The following TAP2 variants were observed in gnomAD, a reference collection of about 807,000 sequenced individuals.
TAP2 encodes transporter 2, ATP binding cassette subfamily B member, also known as antigen peptide transporter 2.
Under a neutral mutation model 74.7 loss-of-function variants are expected in TAP2, and 49 were observed. That is an observed-to-expected ratio of 0.66 (90% CI 0.52 to 0.83). The LOEUF is 0.83. Among genes scored for constraint, TAP2 ranks in the 40% least tolerant of loss-of-function variants. The probability of loss-of-function intolerance (pLI) is 0.00; values close to 1 mark genes in which losing one functional copy is unlikely to be tolerated. For synonymous variants in TAP2, 306 were observed against 368.4 expected (o/e 0.83, Z 1.94); for missense variants, 739 against 859.0 (o/e 0.86, Z 1.75).
In TAP2 at chr6:32,826,051, C is replaced by T. The variant is rs762608086; in HGVS notation, c.*2855G>A. ...GTTCAAAACCCAGTTTCTTCTGGGA[C>T]CATTAGATGGCATCAGACTCAAGCA... On this transcript the variant is annotated 3_prime_UTR_variant, in exon 12 of 12. Coordinates refer to ENST00000374897, the MANE Select transcript of TAP2 (RefSeq NM_001290043.2). The T allele has an allele frequency of 7.4e-5, 73 of 985,266 alleles. No individual in the cohort carries two copies. Among genetic ancestry groups the T allele is most frequent in the Non-Finnish European group, 7.6e-5 (63 of 829,946 alleles). The allele number at this position is 985,266 out of a possible 1,614,324, so 61.0% of individuals were successfully genotyped here.
intron 3 of TAP2, among the ~76,000 whole-genome samples, chr6:32,836,131 C>G (rs1391583215): frequency 6.6e-6 from 1 of 152,186 alleles, no homozygotes; most frequent in Non-Finnish European, 1.5e-5. Flanking sequence ...CCCAGCGTCC[C>G]TCAGGCTTGT....
At position 32,835,044 on chromosome 6, in the gene TAP2, G is replaced by T; in HGVS notation, c.945+110C>A. On this transcript the variant is annotated intron_variant, in intron 5 of 11. Transcript: ENST00000374897. The surrounding 1 kb of genome is among the most constrained non-coding windows in gnomAD (Gnocchi z 4.0). The stretch of plus-strand genomic sequence containing the variant: ...ACTACAATATACCTTCTCCCCTAAT[G>T]GCTGAGAAGAGAACATCTCTCTCTA... 8.6e-7 allele frequency: 1 copy of T among 1,158,752 alleles called. No individual in the cohort carries two copies. 71.8% of individuals were successfully genotyped at this position (1,158,752 alleles called of 1,614,324 possible).
chr6:32,828,686 A>ACCACACC lies in TAP2; in HGVS notation c.*219_*220insGGTGTGG. The ACCACACC allele has an allele frequency of 1.7e-6, 1 of 579,354 alleles. No homozygotes were observed. Among genetic ancestry groups the ACCACACC allele is most frequent in the Non-Finnish European group, 2.0e-6 (1 of 493,744 alleles). The allele number at this position is 579,354 out of a possible 1,614,324, so 35.9% of individuals were successfully genotyped here. ...CCTGGACACAGACAGCCCCCACCCC[A>ACCACACC]CCCCACCCCACCTCTCTACCCCACC... On this transcript the variant is annotated 3_prime_UTR_variant, in exon 12 of 12. Transcript: ENST00000374897.
At chr6:32,829,080 ACAC>A (rs4148875) in intron 11 of TAP2, 46 bp from the exon 12 acceptor site, 105,196 of 1,526,452 alleles carry the variant, frequency 0.069, 3,979 homozygotes, top group East Asian at 0.11. Context: ...AATGAGATGG[ACAC>A]CACATCCACC....
Position 32,827,945 on chromosome 6 carries a change from G to C in TAP2, c.*961C>G. The stretch of plus-strand genomic sequence containing the variant: ...TATAACAACGGGACTGGAGAGAAGA[G>C]AATAGATTCTGAATTATTTAGAGCT... On this transcript the variant is annotated 3_prime_UTR_variant, in exon 12 of 12. Coordinates refer to ENST00000374897, the MANE Select transcript of TAP2 (RefSeq NM_001290043.2). The C allele has an allele frequency of 1.0e-6, 1 of 984,664 alleles. No individual in the cohort carries two copies. Among genetic ancestry groups the C allele is most frequent in the Non-Finnish European group, 1.2e-6 (1 of 829,208 alleles). 61.0% of individuals were successfully genotyped at this position (984,664 alleles called of 1,614,324 possible).
rs2071546 is a variant in TAP2 at position 32,828,280 on chromosome 6, G to C, written c.*626C>G. 425 of 984,014 alleles carry C rather than the reference G, an allele frequency of 4.3e-4. 10 individuals carry two copies. In the South Asian group the frequency reaches 8.5e-3, roughly 20 times the overall value. The allele number at this position is 984,014 out of a possible 1,614,324, so 61.0% of individuals were successfully genotyped here. A position where few individuals can be genotyped will look rare whatever the true frequency, so the allele number is the denominator to read the frequency against. Reference sequence around the variant, plus strand: ...ATAAATGGTAGCTGTTACCAATGTCGCTATTAATACTGTTAATCAGGGAAC... The same window carrying C: ...ATAAATGGTAGCTGTTACCAATGTCCCTATTAATACTGTTAATCAGGGAAC... On this transcript the variant is annotated 3_prime_UTR_variant, in exon 12 of 12. Transcript: ENST00000374897.
At position 32,828,775 on chromosome 6, in the gene TAP2, A is replaced by G; in HGVS notation, c.*131T>C. On this transcript the variant is annotated 3_prime_UTR_variant, in exon 12 of 12. Coordinates refer to ENST00000374897, the MANE Select transcript of TAP2 (RefSeq NM_001290043.2). ...CTCAGGAACAGCTATCTGGCCGCAC[A>G]GCTCTAGGGAAACTCAAAGCAGGAA... 8.3e-7 allele frequency: 1 copy of G among 1,205,138 alleles called. No individual in the cohort carries two copies. Among genetic ancestry groups the G allele is most frequent in the Non-Finnish European group, 1.0e-6 (1 of 954,238 alleles). 74.7% of individuals were successfully genotyped at this position (1,205,138 alleles called of 1,614,324 possible).
chr6:32,833,046 T>G (rs897688749), intron 5 of TAP2, among the ~76,000 whole-genome samples: 1 of 152,192 alleles, frequency 6.6e-6, no homozygotes, highest in Non-Finnish European at 1.5e-5. Context: ...TACATGCAAT[T>G]TTTTTAACCT....
Position 32,827,774 on chromosome 6 carries a change from C to T in TAP2, c.*1132G>A. Reference sequence around the variant, plus strand: ...GGATCTCTGCAGCAGGGCTTGAGAGCACCTGAAGGAATTTCCAGAAATGCC... The same window carrying T: ...GGATCTCTGCAGCAGGGCTTGAGAGTACCTGAAGGAATTTCCAGAAATGCC... On this transcript the variant is annotated 3_prime_UTR_variant, in exon 12 of 12. Coordinates refer to ENST00000374897, the MANE Select transcript of TAP2 (RefSeq NM_001290043.2). 1.2e-6 allele frequency: 1 copy of T among 866,062 alleles called. No individual in the cohort carries two copies. Among genetic ancestry groups the T allele is most frequent in the Non-Finnish European group, 1.3e-6 (1 of 752,248 alleles). 53.6% of individuals were successfully genotyped at this position (866,062 alleles called of 1,614,324 possible). A position where few individuals can be genotyped will look rare whatever the true frequency, so the allele number is the denominator to read the frequency against.
At position 32,828,947 on chromosome 6, in the gene TAP2, C is replaced by T. The variant is rs763950001; in HGVS notation, c.2020G>A (p.Val674Met). The change falls in exon 12 of 12, where the codon GTG (valine) becomes ATG (methionine). Residue 674 changes from valine (V) to methionine (M), a missense_variant. Val to Met is a conservative substitution (Grantham distance 21). Coordinates refer to ENST00000374897, the MANE Select transcript of TAP2 (RefSeq NM_001290043.2). ...QTVQRAHQIL[V>M]LQEGKLQKLA... ...TTCTGCAGCTTGCCCTCCTGGAGCA[C>T]CAGGATCTGGTGGGCGCGCTGAACT... The T allele has an allele frequency of 6.7e-5, 104 of 1,546,868 alleles. 1 individual carries two copies. Among genetic ancestry groups the T allele is most frequent in the South Asian group, 3.4e-4 (28 of 83,422 alleles).
At position 32,828,854 on chromosome 6, in the gene TAP2, C is replaced by T. The variant is rs1375646290; in HGVS notation, c.*52G>A. The T allele has an allele frequency of 2.0e-6, 3 of 1,518,380 alleles. No homozygotes were observed. The highest frequency in any genetic ancestry group is 4.0e-5 in the Admixed American group (2 of 50,572). 94.1% of individuals were successfully genotyped at this position (1,518,380 alleles called of 1,614,324 possible). A position where few individuals can be genotyped will look rare whatever the true frequency, so the allele number is the denominator to read the frequency against. On this transcript the variant is annotated 3_prime_UTR_variant, in exon 12 of 12. Transcript: ENST00000374897. The stretch of plus-strand genomic sequence containing the variant: ...GAAGAGGGCCCAGTATCCCTGGGGC[C>T]TCAGTCCATCAGCCGCTGCTGCACC...
chr6:32,826,730 G>A lies in TAP2; in HGVS notation c.*2176C>T. On this transcript the variant is annotated 3_prime_UTR_variant, in exon 12 of 12. Transcript: ENST00000374897. ...TGATTAGCTGCGTGATTTCATGTCA[G>A]TTTCTCTGTAAAATTAGGTTTGACT... 3 of 985,396 alleles carry A rather than the reference G, an allele frequency of 3.0e-6. No homozygotes were observed. The highest frequency in any genetic ancestry group is 3.6e-6 in the Non-Finnish European group (3 of 829,936). The allele number at this position is 985,396 out of a possible 1,614,324, so 61.0% of individuals were successfully genotyped here.
At chr6:32,822,722 G>A (rs150199684), downstream of TAP2, among the ~76,000 whole-genome samples, 190 of 151,978 alleles carry the variant, frequency 1.3e-3, 4 homozygotes, top group South Asian at 0.015. Context: ...TTGTAGAGAC[G>A]GGTTTTCGCT....
intron 3 of TAP2, among the ~76,000 whole-genome samples, chr6:32,837,143 A>C (rs1474131158): frequency 6.6e-6 from 1 of 152,200 alleles, no homozygotes; most frequent in Non-Finnish European, 1.5e-5. Context: ...AGGGAGAAGC[A>C]TACCCATCCT....
chr6:32,829,922 G>A lies in TAP2; in HGVS notation c.1795+8C>T, dbSNP rs374476450. ...TGAAGGAGCAAGCTTACAATTTGTA[G>A]AAGATACCTGTGTATATTCCATGCT... On this transcript the variant is annotated splice_region_variant and intron_variant, in intron 10 of 11. Transcript: ENST00000374897. 77 of 1,612,970 alleles carry A rather than the reference G, an allele frequency of 4.8e-5. No homozygotes were observed. The highest frequency in any genetic ancestry group is 6.4e-5 in the Non-Finnish European group (76 of 1,180,000).
intron 5 of TAP2, among the ~76,000 whole-genome samples, chr6:32,833,251 T>A (rs1297468587): frequency 6.6e-6 from 1 of 152,172 alleles, no homozygotes; most frequent in East Asian, 1.9e-4. Flanking sequence ...TTGGCAGTGA[T>A]TTCTTGGATA....
chr6:32,831,458 T>C (rs1487384231), intron 7 of TAP2, among the ~76,000 whole-genome samples: 1 of 152,190 alleles, frequency 6.6e-6, no homozygotes, highest in African/African-American at 2.4e-5. Flanking sequence ...GTGGCTGATG[T>C]TGCCACAAAT....
In TAP2 at chr6:32,825,831, G is replaced by C; in HGVS notation, c.*3075C>G. On this transcript the variant is annotated 3_prime_UTR_variant, in exon 12 of 12. Coordinates refer to ENST00000374897, the MANE Select transcript of TAP2 (RefSeq NM_001290043.2). ...TTCCTTAGCTATGTGACCCAGGCAAGTTAGTAAATGTTTCTAAAACTCCAT... is the reference window on the plus strand; with the variant it reads ...TTCCTTAGCTATGTGACCCAGGCAACTTAGTAAATGTTTCTAAAACTCCAT... The C allele has an allele frequency of 2.9e-6, 1 of 345,104 alleles. No individual in the cohort carries two copies. The highest frequency in any genetic ancestry group is 4.1e-6 in the Non-Finnish European group (1 of 244,934). The allele number at this position is 345,104 out of a possible 1,614,324, so 21.4% of individuals were successfully genotyped here.
In TAP2 at chr6:32,826,159, G is replaced by A; in HGVS notation, c.*2747C>T. 1.0e-6 allele frequency: 1 copy of A among 985,382 alleles called. No homozygotes were observed. The highest frequency in any genetic ancestry group is 1.2e-6 in the Non-Finnish European group (1 of 829,924). 61.0% of individuals were successfully genotyped at this position (985,382 alleles called of 1,614,324 possible). A position where few individuals can be genotyped will look rare whatever the true frequency, so the allele number is the denominator to read the frequency against. ...CCTAGTCCTTTCCCCACAAAATTCT[G>A]ACAATTACGCATTTCCTGCTTGTTT... On this transcript the variant is annotated 3_prime_UTR_variant, in exon 12 of 12. Coordinates refer to ENST00000374897, the MANE Select transcript of TAP2 (RefSeq NM_001290043.2).
Sources: allele counts gnomAD v4.1 joint callset (sites outside exome capture counted in the v4.1 genomes callset), GRCh38; gene constraint gnomAD v4.1.1; non-coding constraint Gnocchi (gnomAD v3.1); transcripts MANE v1.5; gene names NCBI Gene and HGNC (gene_info 2026-07-23, HGNC 2026-07-21).